Variants in PPP2R2B observed in about 807,000 individuals in gnomAD.
The protein encoded by PPP2R2B is serine/threonine-protein phosphatase 2A 55 kDa regulatory subunit B beta isoform.
A neutral mutation model predicts 46.0 loss-of-function variants in PPP2R2B; 5 were observed. That is an observed-to-expected ratio of 0.11 (90% CI 0.06 to 0.23). The LOEUF (loss-of-function observed/expected upper bound fraction) is 0.23, where lower values mean the gene tolerates loss of function less well. Ranked by LOEUF, PPP2R2B falls within the 10% of genes least tolerant of loss-of-function variation. The probability of loss-of-function intolerance (pLI) is 1.00; values close to 1 mark genes in which losing one functional copy is unlikely to be tolerated. For synonymous variants in PPP2R2B, 215 were observed against 206.7 expected, an observed-to-expected ratio of 1.04 and a Z score of -0.34; for missense variants, 367 against 575.0, an observed-to-expected ratio of 0.64 and a Z score of 3.70.
chr5:146,854,681 T>G (rs1760545710), intron 2 of PPP2R2B, among the ~76,000 whole-genome samples: 1 of 152,198 alleles, frequency 6.6e-6, no homozygotes, highest in Non-Finnish European at 1.5e-5. Flanking sequence ...CAAGCACGTG[T>G]GTATAGACAC....
intron 2 of PPP2R2B, among the ~76,000 whole-genome samples, chr5:146,820,176 T>G (rs1018874206): frequency 5.3e-5 from 8 of 152,152 alleles, no homozygotes; most frequent in Non-Finnish European, 1.2e-4. Context: ...TATTGTAATT[T>G]CAAAACATCT....
intron 2 of PPP2R2B, among the ~76,000 whole-genome samples, chr5:146,784,395 T>C (rs1167841773): frequency 6.6e-6 from 1 of 152,214 alleles, no homozygotes. Flanking sequence ...AAAATAGATG[T>C]GATGAAGAAA....
chr5:146,784,042 T>C (rs555902047), intron 2 of PPP2R2B, among the ~76,000 whole-genome samples: 2 of 152,180 alleles, frequency 1.3e-5, no homozygotes, highest in Non-Finnish European at 2.9e-5. Flanking sequence ...TAGTGAAGGA[T>C]TGACTGGAGT....
upstream of PPP2R2B, chr5:147,081,440 C>T (rs1166981785): frequency 1.3e-5 from 9 of 716,646 alleles, no homozygotes; most frequent in East Asian, 6.1e-5. Context: ...GGAGTGGTTA[C>T]GAAGGACTTG....
intron 7 of PPP2R2B, among the ~76,000 whole-genome samples, chr5:146,606,438 A>C (rs1166381841): frequency 2.0e-5 from 3 of 152,206 alleles, no homozygotes; most frequent in Non-Finnish European, 4.4e-5. Context: ...TGCTGCTTAT[A>C]AATGATGGAG....
intron 1 of PPP2R2B, among the ~76,000 whole-genome samples, chr5:146,989,281 G>C: frequency 6.6e-6 from 1 of 151,922 alleles, no homozygotes; most frequent in East Asian, 1.9e-4. Flanking sequence ...ACCAAAACCA[G>C]ACAAGGACAC....
intron 4 of PPP2R2B, among the ~76,000 whole-genome samples, chr5:146,696,061 AT>A (rs755241396): frequency 6.6e-6 from 1 of 151,082 alleles, no homozygotes; most frequent in East Asian, 1.9e-4. Flanking sequence ...CATTTCACTG[AT>A]TTTTTCCCAT....
At chr5:147,068,775 C>G (rs1757487719) in intron 2 of PPP2R2B, among the ~76,000 whole-genome samples, 1 of 152,120 alleles carries the variant, frequency 6.6e-6, no homozygotes, top group African/African-American at 2.4e-5. Flanking sequence ...AAAATAGGCA[C>G]TTAATATCAA....
chr5:146,882,225 C>T (rs1272452057), upstream of PPP2R2B, among the ~76,000 whole-genome samples: 1 of 150,762 alleles, frequency 6.6e-6, no homozygotes, highest in Admixed American at 6.6e-5. Flanking sequence ...TGCATCGCAC[C>T]ACTGCACTCC....
chr5:146,957,498 G>C (rs1582496141), intron 1 of PPP2R2B, among the ~76,000 whole-genome samples: 1 of 152,206 alleles, frequency 6.6e-6, no homozygotes, highest in East Asian at 1.9e-4. Context: ...TCTTCAAATA[G>C]TGTATTTAAG....
chr5:146,748,343 A>G (rs1326874816), intron 2 of PPP2R2B, among the ~76,000 whole-genome samples: 6 of 152,174 alleles, frequency 3.9e-5, no homozygotes, highest in African/African-American at 1.4e-4. Flanking sequence ...ACATTCACCC[A>G]GTTCCCCCCA....
intron 2 of PPP2R2B, among the ~76,000 whole-genome samples, chr5:146,774,241 AG>A (rs1249652410): frequency 6.6e-6 from 1 of 152,206 alleles, no homozygotes; most frequent in Non-Finnish European, 1.5e-5. Flanking sequence ...TGATATAGGA[AG>A]CTATTTCACA....
At chr5:146,977,163 C>T (rs1406879270) in intron 1 of PPP2R2B, among the ~76,000 whole-genome samples, 1 of 152,036 alleles carries the variant, frequency 6.6e-6, no homozygotes, top group Non-Finnish European at 1.5e-5. Context: ...ATTTTTCACC[C>T]CCCGACAAGG....
intron 2 of PPP2R2B, among the ~76,000 whole-genome samples, chr5:146,784,726 G>A (rs1341826622): frequency 6.6e-6 from 1 of 152,100 alleles, no homozygotes; most frequent in African/African-American, 2.4e-5. Context: ...TGACTGCCGT[G>A]TTGATTTTAA....
rs564374567 is a variant in PPP2R2B at position 146,919,394 on chromosome 5, C to T, written c.79+136271G>A. Reference sequence around the variant, plus strand: ...GCACCCTGGGCCTGATGGTTTACCTCCCCAAAATCTGGTTTCTGTTTCTCA... The same window carrying T: ...GCACCCTGGGCCTGATGGTTTACCTTCCCAAAATCTGGTTTCTGTTTCTCA... On this transcript the variant is annotated intron_variant, in intron 1 of 8. Coordinates refer to the PPP2R2B transcript ENST00000336640. 8 of 152,312 alleles carry T rather than the reference C, an allele frequency of 5.3e-5. 1 individual carries two copies. The highest frequency in any genetic ancestry group is 1.9e-4 in the African/African-American group (8 of 41,564). 9.4% of individuals were successfully genotyped at this position (152,312 alleles called of 1,614,324 possible).
chr5:146,802,520 C>T (rs977226104), intron 2 of PPP2R2B, among the ~76,000 whole-genome samples: 2 of 152,144 alleles, frequency 1.3e-5, no homozygotes, highest in African/African-American at 4.8e-5. Flanking sequence ...TCCAAGGGAG[C>T]ATAATGAGTT....
rs573775670 is a variant in PPP2R2B at position 146,661,660 on chromosome 5, C to A, written c.448-10936G>T. 2.0e-5 allele frequency among the ~76,000 whole-genome samples: 3 copies of A among 152,228 alleles called. No individual in the cohort carries two copies. In the East Asian group the frequency reaches 5.8e-4, roughly 29 times the overall value. On this transcript the variant is annotated intron_variant, in intron 5 of 9. Transcript: ENST00000394411. ...TTCATGCTCTTTGTGTCATTGACTTCTTTTGGCCTGACTATAAAAAGGAGA... is the reference window on the plus strand; with the variant it reads ...TTCATGCTCTTTGTGTCATTGACTTATTTTGGCCTGACTATAAAAAGGAGA...
intron 2 of PPP2R2B, among the ~76,000 whole-genome samples, chr5:146,745,674 C>G (rs1017314539): frequency 6.6e-6 from 1 of 152,024 alleles, no homozygotes; most frequent in African/African-American, 2.4e-5. Flanking sequence ...GATAAATTGT[C>G]GGCCAGGTGT....
chr5:146,879,423 C>T (rs1337118973), upstream of PPP2R2B, among the ~76,000 whole-genome samples: 1 of 152,108 alleles, frequency 6.6e-6, no homozygotes. Context: ...GTCCACTCTC[C>T]CTTGCAGTTT....
Sources: gnomAD v4.1 joint callset for allele counts (sites outside exome capture counted in the v4.1 genomes callset) on GRCh38, gnomAD v4.1.1 for gene constraint, MANE v1.5 for transcripts, NCBI Gene and HGNC (gene_info 2026-07-23, HGNC 2026-07-21) for gene names.